The following LRRFIP2 variants were observed in gnomAD, a reference collection of about 807,000 sequenced individuals.
LRRFIP2 encodes leucine-rich repeat flightless-interacting protein 2.
Under a neutral mutation model 125.9 loss-of-function variants are expected in LRRFIP2, and 109 were observed. The ratio of observed to expected loss-of-function variants is 0.87; its 90% CI spans 0.74 to 1.01. The LOEUF is 1.01. LRRFIP2 is among the 50% of genes least tolerant of loss of function. The pLI, the probability that LRRFIP2 is intolerant of heterozygous loss-of-function variation, is 0.00. For missense variants in LRRFIP2, 850 were observed against 862.3 expected (o/e 0.99, Z 0.18); for synonymous variants, 291 against 293.1 (o/e 0.99, Z 0.07).
intron 19 of LRRFIP2, among the ~76,000 whole-genome samples, chr3:37,080,081 A>G (rs1020345500): frequency 4.6e-5 from 7 of 152,334 alleles, no homozygotes; most frequent in Middle Eastern, 6.8e-3. Flanking sequence ...TATTTGAATT[A>G]TATCTCAATA....
intron 20 of LRRFIP2, among the ~76,000 whole-genome samples, chr3:37,073,384 T>C (rs2148898060): frequency 6.6e-6 from 1 of 152,318 alleles, no homozygotes; most frequent in East Asian, 1.9e-4. Context: ...TTTTGTATTA[T>C]TTTAAAATTA....
At chr3:37,090,522 G>A (rs950478158) in intron 18 of LRRFIP2, among the ~76,000 whole-genome samples, 2 of 152,168 alleles carry the variant, frequency 1.3e-5, no homozygotes, top group African/African-American at 4.8e-5. Context: ...GAGCCACTGT[G>A]CCTGCCCTGT....
intron 21 of LRRFIP2, among the ~76,000 whole-genome samples, chr3:37,071,101 C>G (rs1051061439): frequency 6.6e-6 from 1 of 152,154 alleles, no homozygotes; most frequent in African/African-American, 2.4e-5. Flanking sequence ...AAACACCTAA[C>G]AGAATTATTG....
intron 19 of LRRFIP2, among the ~76,000 whole-genome samples, chr3:37,081,305 G>A (rs1424034661): frequency 6.6e-6 from 1 of 152,056 alleles, no homozygotes; most frequent in African/African-American, 2.4e-5. Flanking sequence ...ATTCCAGGAG[G>A]AGGCACCAAA....
intron 1 of LRRFIP2, among the ~76,000 whole-genome samples, chr3:37,149,518 A>G (rs1387941023): frequency 6.6e-6 from 1 of 150,992 alleles, no homozygotes; most frequent in Non-Finnish European, 1.5e-5. Flanking sequence ...CTCTGTCTCA[A>G]AATAAATAAA....
chr3:37,065,524 T>C lies in LRRFIP2; in HGVS notation c.1699+286A>G, dbSNP rs151313247. 1,328 of 552,792 alleles carry C rather than the reference T, an allele frequency of 2.4e-3. 14 individuals carry two copies. The highest frequency in any genetic ancestry group is 0.022 in the African/African-American group (1,194 of 53,770). The allele number at this position is 552,792 out of a possible 1,614,324, so 34.2% of individuals were successfully genotyped here. A position where few individuals can be genotyped will look rare whatever the true frequency, so the allele number is the denominator to read the frequency against. ...GCACAGGTATACTAGACTATCTCTT[T>C]GCAGAACAGTTTGTAGTTAAGTAAA... On this transcript the variant is annotated intron_variant, in intron 23 of 27. Transcript: ENST00000336686.
At chr3:37,059,013 C>A in intron 24 of LRRFIP2, 103 bp from the exon 25 acceptor site, 1 of 1,409,904 alleles carries the variant, frequency 7.1e-7, no homozygotes, top group Non-Finnish European at 9.7e-7. Flanking sequence ...CTTATCGTAT[C>A]AGCCACATTC....
In LRRFIP2 at chr3:37,103,015, T is replaced by C; in HGVS notation, c.784-2A>G. On this transcript the variant is annotated splice_acceptor_variant, in intron 14 of 27. Transcript: ENST00000336686. LOFTEE classifies it high-confidence loss of function. ...ACTGAAATAATCAGCGGCAGATACC[T>C]TTCGGTCAGAAAAAAAACAAGATGC... The C allele has an allele frequency of 6.4e-7, 1 of 1,552,672 alleles. No individual in the cohort carries two copies. Among genetic ancestry groups the C allele is most frequent in the Non-Finnish European group, 8.7e-7 (1 of 1,146,884 alleles).
chr3:37,104,730 T>C (rs1267006633), intron 14 of LRRFIP2, among the ~76,000 whole-genome samples: 1 of 152,256 alleles, frequency 6.6e-6, no homozygotes, highest in Admixed American at 6.5e-5. Context: ...CCTGAAATTA[T>C]ATTATTTGTA....
At chr3:37,139,596 T>C (rs912161844) in intron 2 of LRRFIP2, among the ~76,000 whole-genome samples, 4 of 152,150 alleles carry the variant, frequency 2.6e-5, no homozygotes, top group African/African-American at 9.7e-5. Context: ...GTGGTTCTAC[T>C]GAAGAGCTGC....
At chr3:37,113,647 T>C (rs1381377906) in intron 7 of LRRFIP2, among the ~76,000 whole-genome samples, 2 of 152,090 alleles carry the variant, frequency 1.3e-5, no homozygotes, top group African/African-American at 4.8e-5. Context: ...ATAGTCTTCC[T>C]TACCTAAAGG....
intron 1 of LRRFIP2, among the ~76,000 whole-genome samples, chr3:37,158,479 T>C (rs944236435): frequency 1.3e-5 from 2 of 152,024 alleles, no homozygotes; most frequent in South Asian, 4.2e-4. Context: ...TGGTGGCACA[T>C]GCCTGTAATC....
intron 17 of LRRFIP2, among the ~76,000 whole-genome samples, chr3:37,093,721 A>G (rs952594073): frequency 1.3e-5 from 2 of 152,136 alleles, no homozygotes; most frequent in African/African-American, 4.8e-5. Flanking sequence ...TCAGGGTAAA[A>G]CTGAATTCCT....
chr3:37,162,755 G>A (rs2096381313), intron 1 of LRRFIP2, among the ~76,000 whole-genome samples: 1 of 152,166 alleles, frequency 6.6e-6, no homozygotes, highest in Non-Finnish European at 1.5e-5. Context: ...GGAGCAATAT[G>A]ACTCAAGAGA....
chr3:37,066,056 T>C (rs1307442699), intron 22 of LRRFIP2, 114 bp from the exon 23 acceptor site: 1 of 1,410,478 alleles, frequency 7.1e-7, no homozygotes, highest in Admixed American at 1.8e-5. Flanking sequence ...TTAGAATCAG[T>C]TACATGAAAT....
chr3:37,078,166 A>C (rs1046942200), intron 19 of LRRFIP2, among the ~76,000 whole-genome samples: 1 of 152,054 alleles, frequency 6.6e-6, no homozygotes, highest in African/African-American at 2.4e-5. Flanking sequence ...TTTAATGATA[A>C]TTAAATTTTT....
rs1242294858 is a variant in LRRFIP2 at position 37,069,536 on chromosome 3, GT to G, written c.1465-3212del. On this transcript the variant is annotated intron_variant, in intron 21 of 27. Transcript: ENST00000336686. ...CACAGAGACAGAAGGTGGAATGGTA[GT>G]TGCCATTCCACCAGGGGTTTGGGAG... Among the ~76,000 whole-genome samples the G allele has an allele frequency of 2.6e-5, 4 of 152,186 alleles. No homozygotes were observed. In the East Asian group the frequency reaches 7.7e-4, roughly 29 times the overall value.
At position 37,105,555 on chromosome 3, in the gene LRRFIP2, A is replaced by G. The variant is rs746623464; in HGVS notation, c.715-32T>C. ...ATATTAAATGCAGATAATGAAAAAG[A>G]TGCAATTTTGCTATGGTGTTACCTC... On this transcript the variant is annotated intron_variant, in intron 13 of 27. Transcript: ENST00000336686. The G allele has an allele frequency of 1.1e-5, 17 of 1,566,832 alleles. No homozygotes were observed. The Admixed American group carries it at 2.8e-4, about 26-fold the overall frequency.
rs1005185114 is a variant in LRRFIP2, at chr3:37,054,611, A to T, written c.1951-96T>A. The T allele has an allele frequency of 7.7e-6, 6 of 776,692 alleles. No homozygotes were observed. In the African/African-American group the frequency reaches 1.2e-4, roughly 16 times the overall value. The allele number at this position is 776,692 out of a possible 1,614,324, so 48.1% of individuals were successfully genotyped here. A position where few individuals can be genotyped will look rare whatever the true frequency, so the allele number is the denominator to read the frequency against. ...AAATACAATGTCATTATAAATGCCA[A>T]GTAATCTACTAACAAGTCCCCTAAG... On this transcript the variant is annotated intron_variant, in intron 26 of 27. Coordinates refer to ENST00000336686, the MANE Select transcript of LRRFIP2 (RefSeq NM_006309.4).
Sources: gnomAD v4.1 joint callset for allele counts (sites outside exome capture counted in the v4.1 genomes callset) on GRCh38, gnomAD v4.1.1 for gene constraint, MANE v1.5 for transcripts, NCBI Gene and HGNC (gene_info 2026-07-23, HGNC 2026-07-21) for gene names.